PRR16: variants seen among roughly 807,000 people sequenced by gnomAD.
The protein encoded by PRR16 is protein Largen.
PRR16 carries 6 observed loss-of-function variants against 18.2 expected under a neutral mutation model. The ratio of observed to expected loss-of-function variants is 0.33; its 90% CI spans 0.18 to 0.65. The LOEUF is 0.65. Ranked by LOEUF, PRR16 falls within the 30% of genes least tolerant of loss-of-function variation. The pLI, the probability that PRR16 is intolerant of heterozygous loss-of-function variation, is 0.74. For synonymous variants in PRR16, 151 were observed against 147.8 expected, an observed-to-expected ratio of 1.02 and a Z score of -0.16; for missense variants, 412 against 376.6, an observed-to-expected ratio of 1.09 and a Z score of -0.78.
chr5:120,671,610 T>G (rs1373024930), intron 1 of PRR16, among the ~76,000 whole-genome samples: 1 of 152,204 alleles, frequency 6.6e-6, no homozygotes, highest in African/African-American at 2.4e-5. Context: ...AAATTTGCCT[T>G]CCTTTGCATT....
chr5:120,517,584 A>T (rs1483619968), intron 1 of PRR16, among the ~76,000 whole-genome samples: 1 of 152,220 alleles, frequency 6.6e-6, no homozygotes, highest in Non-Finnish European at 1.5e-5. Flanking sequence ...CAAAATCTCC[A>T]GGGTTTAATA....
intron 1 of PRR16, among the ~76,000 whole-genome samples, chr5:120,640,198 T>C (rs1050668933): frequency 6.6e-6 from 1 of 152,096 alleles, no homozygotes; most frequent in Non-Finnish European, 1.5e-5. Context: ...TTGGGTACTA[T>C]GTTCAATACC....
At chr5:120,757,188 G>T in the PRR16 span, among the ~76,000 whole-genome samples, 1 of 151,918 alleles carries the variant, frequency 6.6e-6, no homozygotes, top group South Asian at 2.1e-4. Flanking sequence ...GTCTGCTTTT[G>T]TACCACTACC....
chr5:120,766,440 A>ATATC, the PRR16 span, among the ~76,000 whole-genome samples: 2 of 151,920 alleles, frequency 1.3e-5, no homozygotes, highest in African/African-American at 4.8e-5. Flanking sequence ...CTTTTCTATT[A>ATATC]TATCTTTTTT....
At chr5:120,725,103 C>T in the PRR16 span, among the ~76,000 whole-genome samples, 2 of 151,842 alleles carry the variant, frequency 1.3e-5, no homozygotes, top group African/African-American at 2.4e-5. Flanking sequence ...AAGAGTATTT[C>T]CACCAAAGGC....
chr5:120,498,916 A>T (rs1193200045), intron 1 of PRR16, among the ~76,000 whole-genome samples: 1 of 151,828 alleles, frequency 6.6e-6, no homozygotes, highest in Non-Finnish European at 1.5e-5. Flanking sequence ...TTCCCTGTAG[A>T]TAATATGTTA....
At chr5:120,744,342 T>G in the PRR16 span, among the ~76,000 whole-genome samples, 1 of 152,198 alleles carries the variant, frequency 6.6e-6, no homozygotes, top group African/African-American at 2.4e-5. Flanking sequence ...CGTTTGAAAG[T>G]GTTCCAGTTG....
the PRR16 span, among the ~76,000 whole-genome samples, chr5:120,762,530 T>C: frequency 2.0e-5 from 3 of 152,146 alleles, no homozygotes; most frequent in African/African-American, 7.2e-5. Context: ...GAAATCTCCC[T>C]ATGTTGCTCA....
chr5:120,515,154 C>T (rs1192558753), intron 1 of PRR16, among the ~76,000 whole-genome samples: 1 of 152,128 alleles, frequency 6.6e-6, no homozygotes, highest in African/African-American at 2.4e-5. Context: ...ATCCCAGAGG[C>T]ATTAAAGGGG....
chr5:120,615,255 T>G (rs1186289628), intron 1 of PRR16, among the ~76,000 whole-genome samples: 1 of 152,156 alleles, frequency 6.6e-6, no homozygotes, highest in African/African-American at 2.4e-5. Flanking sequence ...ATGAGTCTGA[T>G]TATAGAAACC....
At chr5:120,524,170 A>G (rs1459910363) in intron 1 of PRR16, among the ~76,000 whole-genome samples, 3 of 152,194 alleles carry the variant, frequency 2.0e-5, no homozygotes, top group African/African-American at 7.2e-5. Flanking sequence ...CAACACTGCT[A>G]AGCTGACTCC....
At chr5:120,750,506 AC>A in the PRR16 span, among the ~76,000 whole-genome samples, 2 of 151,902 alleles carry the variant, frequency 1.3e-5, no homozygotes. Context: ...TAAAAAAAAA[AC>A]AAAACAAAAA....
At chr5:120,608,495 T>G (rs1321024550) in intron 1 of PRR16, among the ~76,000 whole-genome samples, 2 of 152,120 alleles carry the variant, frequency 1.3e-5, no homozygotes, top group Non-Finnish European at 2.9e-5. Flanking sequence ...AAGACAAAAA[T>G]ATAGACATGT....
chr5:120,649,292 T>A (rs1755697344), intron 1 of PRR16, among the ~76,000 whole-genome samples: 1 of 152,154 alleles, frequency 6.6e-6, no homozygotes, highest in Admixed American at 6.6e-5. Flanking sequence ...CTCTAGGAAG[T>A]TAACAATGCA....
At chr5:120,680,026 G>T (rs1756923842) in intron 1 of PRR16, among the ~76,000 whole-genome samples, 1 of 152,098 alleles carries the variant, frequency 6.6e-6, no homozygotes, top group Non-Finnish European at 1.5e-5. Flanking sequence ...GGGTAACTAT[G>T]TGAGATGATG....
chr5:120,760,912 C>T, the PRR16 span, among the ~76,000 whole-genome samples: 1 of 152,116 alleles, frequency 6.6e-6, no homozygotes, highest in African/African-American at 2.4e-5. Context: ...TGCTTCCTCA[C>T]TTCTCTATTT....
the PRR16 span, among the ~76,000 whole-genome samples, chr5:120,789,102 A>G: frequency 6.6e-6 from 1 of 152,034 alleles, no homozygotes; most frequent in African/African-American, 2.4e-5. Flanking sequence ...GATGGACTTT[A>G]AGATTAAAAA....
chr5:120,567,510 A>C (rs1207587735), intron 1 of PRR16, among the ~76,000 whole-genome samples: 2 of 152,148 alleles, frequency 1.3e-5, no homozygotes, highest in Admixed American at 1.3e-4. Context: ...TGTGCAGCAC[A>C]TTGATATGGT....
the PRR16 span, among the ~76,000 whole-genome samples, chr5:120,775,283 C>A: frequency 6.6e-6 from 1 of 152,008 alleles, no homozygotes; most frequent in African/African-American, 2.4e-5. Context: ...TTTCCATAAC[C>A]TCCTCTTTGT....
Sources: gnomAD v4.1 joint callset for allele counts (sites outside exome capture counted in the v4.1 genomes callset) on GRCh38, gnomAD v4.1.1 for gene constraint, MANE v1.5 for transcripts, NCBI Gene and HGNC (gene_info 2026-07-23, HGNC 2026-07-21) for gene names.